AP5S1: variants seen among roughly 807,000 people sequenced by gnomAD.
AP5S1 encodes AP-5 complex subunit sigma-1.
A neutral mutation model predicts 13.9 loss-of-function variants in AP5S1; 13 were observed. The observed-to-expected ratio is 0.94, with a 90% CI of 0.61 to 1.49. The LOEUF is 1.49. AP5S1 is among the 40% of genes most tolerant of loss of function. The pLI is 0.00. For missense variants in AP5S1, 292 were observed against 272.3 expected, an observed-to-expected ratio of 1.07 and a Z score of -0.51; for synonymous variants, 132 against 121.8, an observed-to-expected ratio of 1.08 and a Z score of -0.55.
At chr20:3,821,975 T>C (rs947416093) in intron 1 of AP5S1, 127 bp from the exon 2 acceptor site, 3 of 1,393,374 alleles carry the variant, frequency 2.2e-6, no homozygotes, top group South Asian at 3.4e-5. Flanking sequence ...GATGCTGTTA[T>C]TCAAAGTGTT....
chr20:3,824,073 G>C lies in AP5S1; in HGVS notation c.379G>C (p.Asp127His), dbSNP rs770786100. The C allele has an allele frequency of 1.2e-6, 2 of 1,613,928 alleles. No individual in the cohort carries two copies. The highest frequency in any genetic ancestry group is 1.7e-6 in the Non-Finnish European group (2 of 1,180,030). The change falls in exon 3 of 3, where the codon GAT (aspartate) becomes CAT (histidine). Residue 127 changes from aspartate (D) to histidine (H), a missense_variant. Coordinates refer to ENST00000615891, the MANE Select transcript of AP5S1 (RefSeq NM_018347.3). ...CTCGTTAGGCTTTGCCCTGGTGCTGGATGCCCATGAGAACCTGCTACTGGC... is the reference window on the plus strand; with the variant it reads ...CTCGTTAGGCTTTGCCCTGGTGCTGCATGCCCATGAGAACCTGCTACTGGC... The part of the protein sequence containing the change: ...VLSLGFALVL[D>H]AHENLLLAEG...
Position 3,827,394 on chromosome 20 carries a change from T to C in AP5S1, c.*3097T>C, listed in dbSNP as rs2089630626. 1 of 152,266 alleles carries C rather than the reference T, an allele frequency of 6.6e-6. No homozygotes were observed. The highest frequency in any genetic ancestry group is 1.5e-5 in the Non-Finnish European group (1 of 68,102). The allele number at this position is 152,266 out of a possible 1,614,324, so 9.4% of individuals were successfully genotyped here. On this transcript the variant is annotated 3_prime_UTR_variant, in exon 3 of 3. Transcript: ENST00000615891. ...ATTCTGTCTCAGCCTCCCAAGTAGC[T>C]GGGACTACAGGTGCCTGCCACCACG...
Position 3,824,443 on chromosome 20 carries a change from G to A in AP5S1, c.*146G>A. 1 of 829,938 alleles carries A rather than the reference G, an allele frequency of 1.2e-6. No individual in the cohort carries two copies. The highest frequency in any genetic ancestry group is 1.8e-6 in the Non-Finnish European group (1 of 541,874). The allele number at this position is 829,938 out of a possible 1,614,324, so 51.4% of individuals were successfully genotyped here. A position where few individuals can be genotyped will look rare whatever the true frequency, so the allele number is the denominator to read the frequency against. ...ACACAAGCCTGCAGAAAGGGGGCTG[G>A]GCAGAGGGTGGAGGAGGTCCTGCCT... On this transcript the variant is annotated 3_prime_UTR_variant, in exon 3 of 3. Transcript: ENST00000615891.
chr20:3,827,225 A>C lies in AP5S1; in HGVS notation c.*2928A>C, dbSNP rs1335563321. Reference sequence around the variant, plus strand: ...TGATGACAGGAGGGCAGTAGAGCCCAGAGAAGAGAGCTTACCTGGAAGGAG... The same window carrying C: ...TGATGACAGGAGGGCAGTAGAGCCCCGAGAAGAGAGCTTACCTGGAAGGAG... On this transcript the variant is annotated 3_prime_UTR_variant, in exon 3 of 3. Coordinates refer to ENST00000615891, the MANE Select transcript of AP5S1 (RefSeq NM_018347.3). 1 of 152,472 alleles carries C rather than the reference A, an allele frequency of 6.6e-6. No homozygotes were observed. Among genetic ancestry groups the C allele is most frequent in the Admixed American group, 6.5e-5 (1 of 15,272 alleles). The allele number at this position is 152,472 out of a possible 1,614,324, so 9.4% of individuals were successfully genotyped here.
At chr20:3,821,893 T>TA (rs397826936) in intron 1 of AP5S1, 3 of 964,184 alleles carry the variant, frequency 3.1e-6, no homozygotes, top group Non-Finnish European at 2.5e-6. Flanking sequence ...TTTTTTTTTT[T>TA]AGTTTATGCC....
chr20:3,823,160 G>A (rs1600425437), intron 2 of AP5S1, among the ~76,000 whole-genome samples: 2 of 152,240 alleles, frequency 1.3e-5, no homozygotes, highest in South Asian at 4.1e-4. Flanking sequence ...TGGTCCAATG[G>A]AAGGTCTTTC....
Position 3,824,222 on chromosome 20 carries a change from T to C in AP5S1, c.528T>C (p.His176=), listed in dbSNP as rs2089608283. The part of the protein sequence containing the change: ...IEGILTRFLP[H]GQLLFLNDQF... The stretch of plus-strand genomic sequence containing the variant: ...GCATCCTCACCCGCTTCCTGCCACA[T>C]GGTCAGCTGCTTTTCCTCAACGACC... Residue 176 remains histidine, a synonymous_variant, in exon 3 of 3, where the codon CAT becomes CAC. Coordinates refer to ENST00000615891, the MANE Select transcript of AP5S1 (RefSeq NM_018347.3). 1.9e-6 allele frequency: 3 copies of C among 1,614,198 alleles called. No homozygotes were observed. The highest frequency in any genetic ancestry group is 2.5e-6 in the Non-Finnish European group (3 of 1,180,036).
rs1274705072 is a variant in AP5S1 at position 3,820,707 on chromosome 20, G to T, written c.-68G>T. Reference sequence around the variant, plus strand: ...ATTTAGGCCTGGCTGACCGGAGTAAGAAACTACAACCCCCGAAGTGCCTTG... The same window carrying T: ...ATTTAGGCCTGGCTGACCGGAGTAATAAACTACAACCCCCGAAGTGCCTTG... On this transcript the variant is annotated 5_prime_UTR_variant, in exon 1 of 3. Transcript: ENST00000615891. The T allele has an allele frequency of 6.6e-6, 1 of 152,320 alleles. No individual in the cohort carries two copies. 9.4% of individuals were successfully genotyped at this position (152,320 alleles called of 1,614,324 possible).
intron 2 of AP5S1, among the ~76,000 whole-genome samples, chr20:3,823,358 C>G (rs1239245297): frequency 1.3e-5 from 2 of 152,196 alleles, no homozygotes; most frequent in Non-Finnish European, 2.9e-5. Context: ...ATGCCATTCT[C>G]CTGCCTCAGC....
intron 2 of AP5S1, 124 bp from the exon 3 acceptor site, chr20:3,823,747 C>G (rs550801372): frequency 1.3e-6 from 2 of 1,507,498 alleles, no homozygotes; most frequent in East Asian, 2.3e-5. Context: ...CACTTAGTCT[C>G]TCTAGGCCTC....
chr20:3,822,258 G>C lies in AP5S1; in HGVS notation c.141G>C (p.Arg47Ser), dbSNP rs748537236. 8 of 1,614,064 alleles carry C rather than the reference G, an allele frequency of 5.0e-6. No homozygotes were observed. Among genetic ancestry groups the C allele is most frequent in the South Asian group, 2.2e-5 (2 of 91,088 alleles). ...DPRPHGAERD[R>S]LLRKEQILAV... ...GGCCGCATGGTGCCGAGAGGGACAG[G>C]CTTCTCCGGAAGGAACAGATTTTAG... Residue 47 changes from arginine to serine, a missense_variant, in exon 2 of 3, where the codon AGG becomes AGC. Coordinates refer to ENST00000615891, the MANE Select transcript of AP5S1 (RefSeq NM_018347.3).
At chr20:3,822,046 C>G in intron 1 of AP5S1, 56 bp from the exon 2 acceptor site, 2 of 1,553,808 alleles carry the variant, frequency 1.3e-6, no homozygotes, top group East Asian at 2.3e-5. Context: ...TTCCTGTGGT[C>G]GCCTCTCCTG....
At chr20:3,822,008 C>A in intron 1 of AP5S1, 94 bp from the exon 2 acceptor site, 2 of 1,459,544 alleles carry the variant, frequency 1.4e-6, no homozygotes, top group South Asian at 1.4e-5. Context: ...CCTCTGGATA[C>A]ACTCCCAGAC....
Position 3,824,922 on chromosome 20 carries a change from A to G in AP5S1, c.*625A>G, listed in dbSNP as rs1283145540. The G allele has an allele frequency of 1.7e-5, 2 of 121,204 alleles. No homozygotes were observed. The highest frequency in any genetic ancestry group is 4.1e-5 in the African/African-American group (1 of 24,176). The allele number at this position is 121,204 out of a possible 1,614,324, so 7.5% of individuals were successfully genotyped here. ...ACTCCAGCCTGGGCAACAGAGTGAG[A>G]CTCCATCTCAAAAAAAAAAAAAAAA... On this transcript the variant is annotated 3_prime_UTR_variant, in exon 3 of 3. Transcript: ENST00000615891.
rs963086214 is a variant in AP5S1 at position 3,827,154 on chromosome 20, A to G, written c.*2857A>G. On this transcript the variant is annotated 3_prime_UTR_variant, in exon 3 of 3. Transcript: ENST00000615891. ...AGAGAACTAGAGACTTTGAGCAGCT[A>G]GTAGTGTTACCAGTGTACCTCCACA... is the stretch of plus-strand genomic sequence containing the variant. 1 of 152,272 alleles carries G rather than the reference A, an allele frequency of 6.6e-6. No homozygotes were observed. The highest frequency in any genetic ancestry group is 1.5e-5 in the Non-Finnish European group (1 of 68,078). 9.4% of individuals were successfully genotyped at this position (152,272 alleles called of 1,614,324 possible). A position where few individuals can be genotyped will look rare whatever the true frequency, so the allele number is the denominator to read the frequency against.
In AP5S1 at chr20:3,827,996, A is replaced by C. The variant is rs944270489; in HGVS notation, c.*3699A>C. ...AGGCTGGTCTCGAACTCCTTACCTCAGGTGATCCACCCATATTGGCCTCCC... is the reference window on the plus strand; with the variant it reads ...AGGCTGGTCTCGAACTCCTTACCTCCGGTGATCCACCCATATTGGCCTCCC... On this transcript the variant is annotated 3_prime_UTR_variant, in exon 3 of 3. Transcript: ENST00000615891. The C allele has an allele frequency of 6.6e-6, 1 of 152,100 alleles. No individual in the cohort carries two copies. Among genetic ancestry groups the C allele is most frequent in the Non-Finnish European group, 1.5e-5 (1 of 68,028 alleles). 9.4% of individuals were successfully genotyped at this position (152,100 alleles called of 1,614,324 possible). A position where few individuals can be genotyped will look rare whatever the true frequency, so the allele number is the denominator to read the frequency against.
At chr20:3,823,709 C>G (rs2089601094) in intron 2 of AP5S1, 162 bp from the exon 3 acceptor site, 1 of 985,348 alleles carries the variant, frequency 1.0e-6, no homozygotes, top group African/African-American at 1.7e-5. Context: ...GAGGCTCACA[C>G]TTCCTGATTC....
intron 2 of AP5S1, among the ~76,000 whole-genome samples, chr20:3,823,020 GTTC>G (rs200108572): frequency 0.048 from 7,342 of 152,170 alleles, 600 homozygotes; most frequent in African/African-American, 0.17. Flanking sequence ...CCTTTCCCTT[GTTC>G]TTCTTATTCT....
intron 2 of AP5S1, 100 bp from the exon 3 acceptor site, chr20:3,823,771 G>A: frequency 1.3e-6 from 2 of 1,520,892 alleles, no homozygotes; most frequent in Non-Finnish European, 1.8e-6. Context: ...TTTCTCACTT[G>A]AGATATGGGG....
Sources: allele counts gnomAD v4.1 joint callset (sites outside exome capture counted in the v4.1 genomes callset), GRCh38; gene constraint gnomAD v4.1.1; transcripts MANE v1.5; gene names NCBI Gene and HGNC (gene_info 2026-07-23, HGNC 2026-07-21).